The following SLC44A5 variants were observed in gnomAD, a reference collection of about 807,000 sequenced individuals.
SLC44A5 encodes choline transporter-like protein 5.
SLC44A5 carries 57 observed loss-of-function variants against 101.8 expected under a neutral mutation model. The observed-to-expected ratio is 0.56, with a 90% CI of 0.45 to 0.70. The LOEUF (loss-of-function observed/expected upper bound fraction) is 0.70, where lower values mean the gene tolerates loss of function less well. Ranked by LOEUF, SLC44A5 falls within the 30% of genes least tolerant of loss-of-function variation. The pLI is 0.00. For missense variants in SLC44A5, 737 were observed against 853.1 expected (o/e 0.86, Z 1.70); for synonymous variants, 281 against 290.9 (o/e 0.97, Z 0.35).
intron 2 of SLC44A5, among the ~76,000 whole-genome samples, chr1:75,515,387 A>G (rs550598737): frequency 6.6e-6 from 1 of 152,134 alleles, no homozygotes; most frequent in East Asian, 1.9e-4. Flanking sequence ...AAGCAAGCAT[A>G]TTTCTCTTGT....
the SLC44A5 span, among the ~76,000 whole-genome samples, chr1:75,659,490 A>AAGGAAGGAAGGAAGAAAGGAAGGC: frequency 4.7e-5 from 2 of 42,298 alleles, no homozygotes; most frequent in East Asian, 3.5e-4. Flanking sequence ...GGAAGGAAGG[A>AAGGAAGGAAGGAAGAAAGGAAGGC]AGGCAGGCAG....
intron 2 of SLC44A5, among the ~76,000 whole-genome samples, chr1:75,397,964 T>C (rs972681930): frequency 4.6e-5 from 7 of 152,192 alleles, no homozygotes; most frequent in Non-Finnish European, 8.8e-5. Flanking sequence ...CATACAGGTT[T>C]CACACTTACC....
intron 2 of SLC44A5, among the ~76,000 whole-genome samples, chr1:75,488,435 A>G (rs1021994441): frequency 1.3e-5 from 2 of 152,204 alleles, no homozygotes; most frequent in Admixed American, 1.3e-4. Flanking sequence ...AAGTAAAAAC[A>G]ACGTAGTATA....
intron 4 of SLC44A5, among the ~76,000 whole-genome samples, chr1:75,305,745 A>G (rs1156504661): frequency 1.3e-5 from 2 of 152,220 alleles, no homozygotes; most frequent in African/African-American, 4.8e-5. Context: ...ACCGTTAACA[A>G]TGTTTCCATT....
the SLC44A5 span, among the ~76,000 whole-genome samples, chr1:75,648,387 A>G: frequency 6.6e-6 from 1 of 152,208 alleles, no homozygotes; most frequent in East Asian, 1.9e-4. Flanking sequence ...ATGAACTAAT[A>G]CAACAGTCAT....
chr1:75,477,420 G>C (rs182816507), intron 2 of SLC44A5, among the ~76,000 whole-genome samples: 32 of 152,352 alleles, frequency 2.1e-4, no homozygotes, highest in Admixed American at 1.8e-3. Context: ...ACTTTGACGA[G>C]TTGAGAGAAG....
intron 1 of SLC44A5, among the ~76,000 whole-genome samples, chr1:75,607,867 A>G (rs773046500): frequency 2.6e-5 from 4 of 151,986 alleles, no homozygotes; most frequent in Non-Finnish European, 4.4e-5. Context: ...AAGTTACCCA[A>G]TCTTGGGTAT....
At chr1:75,509,057 G>A (rs1404925335) in intron 2 of SLC44A5, among the ~76,000 whole-genome samples, 19 of 152,346 alleles carry the variant, frequency 1.2e-4, no homozygotes, top group Non-Finnish European at 1.5e-5. Flanking sequence ...TAGGGGAATG[G>A]AAATGACTTG....
chr1:75,648,018 G>T, the SLC44A5 span, among the ~76,000 whole-genome samples: 2 of 152,322 alleles, frequency 1.3e-5, no homozygotes, highest in Admixed American at 6.5e-5. Context: ...GGAGTGGAAT[G>T]ATATGGTCTG....
chr1:75,545,638 T>G (rs1270810095), intron 1 of SLC44A5, among the ~76,000 whole-genome samples: 1 of 152,202 alleles, frequency 6.6e-6, no homozygotes, highest in African/African-American at 2.4e-5. Context: ...CTTTTCATTC[T>G]GTAATTAATA....
chr1:75,545,267 T>C (rs1024310425), intron 1 of SLC44A5, among the ~76,000 whole-genome samples: 2 of 152,154 alleles, frequency 1.3e-5, no homozygotes, highest in African/African-American at 4.8e-5. Flanking sequence ...TTGATAGACA[T>C]TTGGGTTGGT....
At chr1:75,454,442 A>G (rs1666075641) in intron 2 of SLC44A5, among the ~76,000 whole-genome samples, 1 of 152,160 alleles carries the variant, frequency 6.6e-6, no homozygotes, top group Non-Finnish European at 1.5e-5. Context: ...AGCCAACATC[A>G]TACTGAATAG....
chr1:75,347,858 CGAT>C (rs1440575551), intron 3 of SLC44A5, among the ~76,000 whole-genome samples: 8 of 151,934 alleles, frequency 5.3e-5, no homozygotes, highest in Non-Finnish European at 8.8e-5. Context: ...GCAGAAATGT[CGAT>C]GAAATTTTTT....
intron 1 of SLC44A5, among the ~76,000 whole-genome samples, chr1:75,610,251 C>T (rs1024091372): frequency 2.0e-5 from 3 of 151,188 alleles, no homozygotes; most frequent in Non-Finnish European, 4.4e-5. Context: ...CATACATATA[C>T]CTATATACAC....
intron 2 of SLC44A5, among the ~76,000 whole-genome samples, chr1:75,401,672 T>C (rs1329413657): frequency 1.3e-5 from 2 of 152,038 alleles, no homozygotes; most frequent in Non-Finnish European, 2.9e-5. Flanking sequence ...TGAACACATT[T>C]GACTGTCATA....
rs140223140 is a variant in SLC44A5 at position 75,477,088 on chromosome 1, C to T, written c.13+64347G>A. Among the ~76,000 whole-genome samples, 682 of 152,326 alleles carry T rather than the reference C, an allele frequency of 4.5e-3. 1 individual carries two copies. The highest frequency in any genetic ancestry group is 0.016 in the African/African-American group (647 of 41,570). Reference sequence around the variant, plus strand: ...AGAAACGATCAGACAGCAGCGTTCGCGGTTCATGAAAATCTGCTGTTCTGC... The same window carrying T: ...AGAAACGATCAGACAGCAGCGTTCGTGGTTCATGAAAATCTGCTGTTCTGC... On this transcript the variant is annotated intron_variant, in intron 2 of 23. Coordinates refer to ENST00000370859, the MANE Select transcript of SLC44A5 (RefSeq NM_001130058.2).
chr1:75,545,218 T>C (rs1000439291), intron 1 of SLC44A5, among the ~76,000 whole-genome samples: 1 of 152,198 alleles, frequency 6.6e-6, no homozygotes, highest in South Asian at 2.1e-4. Flanking sequence ...TGGTATTCCA[T>C]GGTGTATCTG....
upstream of SLC44A5, among the ~76,000 whole-genome samples, chr1:75,614,692 C>T (rs1675790559): frequency 6.6e-6 from 1 of 152,196 alleles, no homozygotes; most frequent in African/African-American, 2.4e-5. Flanking sequence ...GAGTTCCTGT[C>T]CTTTTTTATA....
intron 3 of SLC44A5, among the ~76,000 whole-genome samples, chr1:75,345,071 G>A (rs1427096725): frequency 1.3e-5 from 2 of 152,014 alleles, no homozygotes; most frequent in Non-Finnish European, 2.9e-5. Context: ...TTTAGATTAT[G>A]AAAATACAAC....
Sources: allele counts gnomAD v4.1 joint callset (sites outside exome capture counted in the v4.1 genomes callset), GRCh38; gene constraint gnomAD v4.1.1; transcripts MANE v1.5; gene names NCBI Gene and HGNC (gene_info 2026-07-23, HGNC 2026-07-21).